KCNJ6: variants seen among roughly 807,000 people sequenced by gnomAD.
KCNJ6 encodes potassium inwardly rectifying channel subfamily J member 6.
A neutral mutation model predicts 34.2 loss-of-function variants in KCNJ6; 9 were observed. The observed-to-expected ratio is 0.26, with a 90% CI of 0.16 to 0.46. KCNJ6 has a LOEUF of 0.46. KCNJ6 is among the 20% of genes least tolerant of loss of function. KCNJ6 has a pLI of 1.00. For missense variants in KCNJ6, 236 were observed against 531.3 expected (o/e 0.44, Z 5.46); for synonymous variants, 196 against 207.1 (o/e 0.95, Z 0.46).
At chr21:37,799,121 G>A (rs2055257257) in intron 2 of KCNJ6, among the ~76,000 whole-genome samples, 1 of 151,986 alleles carries the variant, frequency 6.6e-6, no homozygotes, top group African/African-American at 2.4e-5. Flanking sequence ...CCCTCTACAT[G>A]TCCATGCATT....
intron 3 of KCNJ6, among the ~76,000 whole-genome samples, chr21:37,694,098 G>T (rs944883107): frequency 2.0e-5 from 3 of 152,220 alleles, no homozygotes; most frequent in Non-Finnish European, 2.9e-5. Flanking sequence ...GTAAGAAAGT[G>T]CTGAGAAGGT....
chr21:37,734,644 T>C (rs2054903589), intron 2 of KCNJ6, among the ~76,000 whole-genome samples: 1 of 151,998 alleles, frequency 6.6e-6, no homozygotes, highest in South Asian at 2.1e-4. Context: ...GCACCTCCAC[T>C]GAAACAAGTC....
chr21:37,886,973 C>T (rs2055739039), intron 1 of KCNJ6, among the ~76,000 whole-genome samples: 1 of 147,074 alleles, frequency 6.8e-6, no homozygotes. Flanking sequence ...CACTCATCCT[C>T]TGTTCCGGCT....
chr21:37,713,109 C>G (rs1323209470), intron 3 of KCNJ6, among the ~76,000 whole-genome samples: 1 of 152,062 alleles, frequency 6.6e-6, no homozygotes. Context: ...GTGACCTTGC[C>G]TGTTGGGTAC....
chr21:37,645,969 T>C (rs1468809761), intron 3 of KCNJ6, among the ~76,000 whole-genome samples: 1 of 151,824 alleles, frequency 6.6e-6, no homozygotes, highest in Admixed American at 6.6e-5. Context: ...TTAAGGACTC[T>C]CACCCTTTCT....
rs576268940 is a variant in KCNJ6 at position 37,645,491 on chromosome 21, C to G, written c.947-20007G>C. The stretch of plus-strand genomic sequence containing the variant: ...ATTTATCGAAGCAACCACATCTTCT[C>G]GTGGGTCATCTAATGAAGGCAGTCT... On this transcript the variant is annotated intron_variant, in intron 3 of 3. Transcript: ENST00000609713. Among the ~76,000 whole-genome samples, 74 of 152,210 alleles carry G rather than the reference C, an allele frequency of 4.9e-4. 1 individual carries two copies. Among genetic ancestry groups the G allele is most frequent in the African/African-American group, 1.8e-3 (74 of 41,532 alleles).
At chr21:37,652,554 T>C (rs1341270080) in intron 3 of KCNJ6, among the ~76,000 whole-genome samples, 5 of 152,138 alleles carry the variant, frequency 3.3e-5, no homozygotes, top group African/African-American at 1.2e-4. Flanking sequence ...AAAGAATTCA[T>C]TGGGAAGAGA....
chr21:37,817,699 C>T (rs1022156882), intron 2 of KCNJ6, among the ~76,000 whole-genome samples: 1 of 152,154 alleles, frequency 6.6e-6, no homozygotes, highest in Non-Finnish European at 1.5e-5. Context: ...GAAATAACCG[C>T]GTGGCATTGC....
At chr21:37,891,348 C>A (rs1209129517) in intron 1 of KCNJ6, among the ~76,000 whole-genome samples, 1 of 152,070 alleles carries the variant, frequency 6.6e-6, no homozygotes, top group Non-Finnish European at 1.5e-5. Context: ...CACGCATAGA[C>A]AAACACACAG....
At position 37,853,835 on chromosome 21, in the gene KCNJ6, CATATATATATGTAT is replaced by C. The variant is rs1468269381; in HGVS notation, c.-27-13140_-27-13127del. Among the ~76,000 whole-genome samples the C allele has an allele frequency of 2.5e-4, 11 of 43,238 alleles. No individual in the cohort carries two copies. In the Admixed American group the frequency reaches 2.6e-3, roughly 10 times the overall value. 28.4% of individuals were successfully genotyped at this position (43,238 alleles called of 152,430 possible). A position where few individuals can be genotyped will look rare whatever the true frequency, so the allele number is the denominator to read the frequency against. The stretch of plus-strand genomic sequence containing the variant: ...TATTAACAGCAGTAGTTAAGAGATA[CATATATATATGTAT>C]ATATATATATATAAATTACATTGTG... On this transcript the variant is annotated intron_variant, in intron 1 of 3. Transcript: ENST00000609713.
chr21:37,692,226 A>T (rs2054643254), intron 3 of KCNJ6, among the ~76,000 whole-genome samples: 1 of 152,178 alleles, frequency 6.6e-6, no homozygotes, highest in African/African-American at 2.4e-5. Context: ...AAACCAAAAA[A>T]TCCCAAAAAA....
chr21:37,805,213 C>T lies in KCNJ6; in HGVS notation c.25+35445G>A, dbSNP rs185577957. ...TGATGGTTGCATGAATTTGTGAAGACACCAAAACACACTGAATTGTATACT... is the reference window on the plus strand; with the variant it reads ...TGATGGTTGCATGAATTTGTGAAGATACCAAAACACACTGAATTGTATACT... On this transcript the variant is annotated intron_variant, in intron 2 of 3. Transcript: ENST00000609713. 6.7e-4 allele frequency among the ~76,000 whole-genome samples: 102 copies of T among 152,128 alleles called. 5 individuals carry two copies. In the South Asian group the frequency reaches 0.021, roughly 31 times the overall value.
At chr21:37,681,439 T>C (rs550594593) in intron 3 of KCNJ6, among the ~76,000 whole-genome samples, 1 of 152,362 alleles carries the variant, frequency 6.6e-6, no homozygotes, top group Non-Finnish European at 1.5e-5. Context: ...ACAGCTCTTA[T>C]GTTGGTTTTG....
At chr21:37,697,736 T>C (rs2123433738) in intron 3 of KCNJ6, among the ~76,000 whole-genome samples, 1 of 152,352 alleles carries the variant, frequency 6.6e-6, no homozygotes, top group South Asian at 2.1e-4. Flanking sequence ...TAATGGTGCC[T>C]TTCTGCATAG....
intron 2 of KCNJ6, among the ~76,000 whole-genome samples, chr21:37,819,433 A>G (rs2055363339): frequency 6.6e-6 from 1 of 152,188 alleles, no homozygotes; most frequent in Non-Finnish European, 1.5e-5. Flanking sequence ...TAGCAAGGGA[A>G]TACAATTTGA....
chr21:37,760,666 T>C (rs2055056633), intron 2 of KCNJ6, among the ~76,000 whole-genome samples: 2 of 152,332 alleles, frequency 1.3e-5, no homozygotes, highest in Non-Finnish European at 2.9e-5. Context: ...CAGGCGAGTG[T>C]CTCATGCTTA....
intron 2 of KCNJ6, among the ~76,000 whole-genome samples, chr21:37,804,182 T>C (rs1171267377): frequency 6.6e-6 from 1 of 152,178 alleles, no homozygotes; most frequent in African/African-American, 2.4e-5. Context: ...GAAAGACAGA[T>C]AATAACAAGT....
At chr21:37,822,327 C>T (rs796833695) in intron 2 of KCNJ6, among the ~76,000 whole-genome samples, 1 of 152,154 alleles carries the variant, frequency 6.6e-6, no homozygotes, top group South Asian at 2.1e-4. Context: ...CTGATAGGCA[C>T]CCATTCCTCG....
intron 2 of KCNJ6, among the ~76,000 whole-genome samples, chr21:37,769,412 TTTATTATTATTA>T (rs71198893): frequency 8.8e-4 from 128 of 145,334 alleles, no homozygotes; most frequent in African/African-American, 3.0e-3. Flanking sequence ...AGCCTTCAAT[TTTATTATTATTA>T]TTATTATTAT....
Sources: gnomAD v4.1 joint callset for allele counts (sites outside exome capture counted in the v4.1 genomes callset) on GRCh38, gnomAD v4.1.1 for gene constraint, MANE v1.5 for transcripts, NCBI Gene and HGNC (gene_info 2026-07-23, HGNC 2026-07-21) for gene names.